The following PABIR3 variants were observed in gnomAD, a reference collection of about 807,000 sequenced individuals.
The protein encoded by PABIR3 is PABIR family member 1.
Under a neutral mutation model 23.1 loss-of-function variants are expected in PABIR3, and 20 were observed. The ratio of observed to expected loss-of-function variants is 0.86; its 90% CI spans 0.61 to 1.26. PABIR3 has a LOEUF of 1.26. Among genes scored for constraint, PABIR3 ranks in the 50% most tolerant of loss-of-function variants. The pLI is 0.00. For missense variants in PABIR3, 189 were observed against 195.4 expected (o/e 0.97, Z 0.20); for synonymous variants, 69 against 68.5 (o/e 1.01, Z -0.04).
Position 134,853,054 on chromosome X carries a change from T to G in PABIR3, c.686+158T>G, listed in dbSNP as rs780677473. Among the ~76,000 whole-genome samples the G allele has an allele frequency of 4.5e-5, 5 of 111,717 alleles. No homozygotes were observed. In the South Asian group the frequency reaches 1.9e-3, roughly 42 times the overall value. On this transcript the variant is annotated intron_variant, in intron 10 of 10. Transcript: ENST00000645433. ...CCAAGTGGATACTATAAACCTGAGT[T>G]ATTTTATTTTCTTTTTTTTCTTTTT... is the stretch of plus-strand genomic sequence containing the variant.
At chrX:134,828,489 A>G (rs2081621025) in intron 3 of PABIR3, among the ~76,000 whole-genome samples, 1 of 112,104 alleles carries the variant, frequency 8.9e-6, no homozygotes, top group South Asian at 3.6e-4. Context: ...AGAAATAACC[A>G]CGGTACAGAA....
intron 1 of PABIR3, among the ~76,000 whole-genome samples, chrX:134,798,750 G>C (rs1444657576): frequency 8.9e-6 from 1 of 112,088 alleles, no homozygotes; most frequent in Non-Finnish European, 1.9e-5. Context: ...TCACAGAGTG[G>C]GAGTATGTCA....
chrX:134,860,802 G>A, the PABIR3 span, among the ~76,000 whole-genome samples: 21 of 111,909 alleles, frequency 1.9e-4, no homozygotes, highest in East Asian at 5.0e-3. Flanking sequence ...CATGAAGCAC[G>A]AAACATTATC....
At chrX:134,834,651 T>G (rs1250115900) in intron 4 of PABIR3, among the ~76,000 whole-genome samples, 2 of 112,494 alleles carry the variant, frequency 1.8e-5, no homozygotes, top group Non-Finnish European at 3.7e-5. Context: ...GGGTTTTACA[T>G]TTAAATCTTT....
At position 134,829,421 on chromosome X, in the gene PABIR3, C is replaced by CAA. The variant is rs779973197; in HGVS notation, c.246+148_246+149dup. On this transcript the variant is annotated intron_variant, in intron 4 of 10. Coordinates refer to ENST00000645433, the MANE Select transcript of PABIR3 (RefSeq NM_001388447.1). ...TTTTTATTTCTAGGAATGATTTCTT[C>CAA]AAAAAAAAAACAAAACTAAGAAGCA... is the stretch of plus-strand genomic sequence containing the variant. 2,014 of 394,719 alleles carry CAA rather than the reference C, an allele frequency of 5.1e-3. 21 individuals are homozygous for CAA. Among genetic ancestry groups the CAA allele is most frequent in the African/African-American group, 0.046 (1,640 of 35,636 alleles). The allele number at this position is 394,719 out of a possible 1,213,427, so 32.5% of individuals were successfully genotyped here.
chrX:134,864,281 T>C, the PABIR3 span, among the ~76,000 whole-genome samples: 3 of 111,176 alleles, frequency 2.7e-5, no homozygotes, highest in Non-Finnish European at 5.7e-5. Context: ...TGCCTTACCC[T>C]CCCAAAGTGC....
rs1333307823 is a variant in PABIR3, at chrX:134,823,852, T to C, written c.190-5374T>C. On this transcript the variant is annotated intron_variant, in intron 3 of 10. Transcript: ENST00000645433. ...ACGTAAATATTTTTTAAATTAGCAA[T>C]ATTTGGGGTTCAAAGTAAAAAAGAA... 2.7e-5 allele frequency among the ~76,000 whole-genome samples: 3 copies of C among 110,461 alleles called. No individual in the cohort carries two copies. In the Admixed American group the frequency reaches 3.0e-4, roughly 11 times the overall value.
At chrX:134,847,275 G>T (rs1186275145) in intron 6 of PABIR3, 108 bp from the exon 7 acceptor site, 47 of 522,362 alleles carry the variant, frequency 9.0e-5, no homozygotes, top group Non-Finnish European at 1.1e-4. Context: ...CCATGGTGCA[G>T]CCAGTGACTC....
chrX:134,826,896 T>A (rs2081528030), intron 3 of PABIR3, among the ~76,000 whole-genome samples: 1 of 112,334 alleles, frequency 8.9e-6, no homozygotes, highest in African/African-American at 3.2e-5. Flanking sequence ...CCAACAAAAA[T>A]TCAGACTATC....
rs773344736 is a variant in PABIR3 at position 134,820,516 on chromosome X, G to T, written c.189+5667G>T. Among the ~76,000 whole-genome samples, 12 of 110,824 alleles carry T rather than the reference G, an allele frequency of 1.1e-4. No homozygotes were observed. The East Asian group carries it at 2.3e-3, about 21-fold the overall frequency. ...TGGGAGGAGGAGGGAATGGGGAGTT[G>T]TTGTTTAAAGGGTACAGTTTTGCAA... On this transcript the variant is annotated intron_variant, in intron 3 of 10. Coordinates refer to ENST00000645433, the MANE Select transcript of PABIR3 (RefSeq NM_001388447.1).
intron 3 of PABIR3, among the ~76,000 whole-genome samples, chrX:134,820,308 T>C (rs1450431340): frequency 8.9e-6 from 1 of 112,272 alleles, no homozygotes; most frequent in Non-Finnish European, 1.9e-5. Context: ...TCATTTCTAG[T>C]AGATATTATA....
intron 4 of PABIR3, among the ~76,000 whole-genome samples, chrX:134,830,584 C>T (rs1469356871): frequency 9.1e-6 from 1 of 109,878 alleles, no homozygotes; most frequent in Non-Finnish European, 1.9e-5. Context: ...CTGCCTACCT[C>T]GGCCTCCCAA....
chrX:134,827,207 C>T (rs1378277398), intron 3 of PABIR3, among the ~76,000 whole-genome samples: 2 of 111,060 alleles, frequency 1.8e-5, no homozygotes, highest in Admixed American at 9.6e-5. Flanking sequence ...GTGATCCACC[C>T]GCCTCCGCCT....
At chrX:134,822,721 A>T (rs759968389) in intron 3 of PABIR3, 213 of 614,610 alleles carry the variant, frequency 3.5e-4, no homozygotes, top group Middle Eastern at 2.9e-3. Flanking sequence ...GAGCTAAATG[A>T]TAAGAACTTA....
downstream of PABIR3, among the ~76,000 whole-genome samples, chrX:134,858,366 A>AAGGTGG: frequency 8.9e-6 from 1 of 111,807 alleles, no homozygotes; most frequent in East Asian, 2.8e-4. Context: ...CAAATGAGCT[A>AAGGTGG]TTAAAAGCAC....
intron 4 of PABIR3, among the ~76,000 whole-genome samples, chrX:134,836,793 TCA>T (rs746540239): frequency 5.4e-5 from 6 of 112,082 alleles, no homozygotes; most frequent in Admixed American, 2.9e-4. Flanking sequence ...AACAGTCTGC[TCA>T]CAGTTTTTTG....
intron 2 of PABIR3, 51 bp from the exon 3 acceptor site, chrX:134,814,720 A>T: frequency 1.8e-5 from 17 of 942,907 alleles, no homozygotes; most frequent in South Asian, 2.4e-5. Flanking sequence ...AAAAAAAAAA[A>T]GAATTTTGTA....
intron 2 of PABIR3, chrX:134,810,306 T>G: frequency 1.3e-6 from 1 of 754,623 alleles, no homozygotes; most frequent in Non-Finnish European, 1.6e-6. Flanking sequence ...TGTTTGTTTG[T>G]TTTTTGCTTA....
chrX:134,852,858 T>C lies in PABIR3; in HGVS notation c.648T>C (p.Leu216=). 2 of 1,142,527 alleles carry C rather than the reference T, an allele frequency of 1.8e-6. No individual in the cohort carries two copies. Among genetic ancestry groups the C allele is most frequent in the Non-Finnish European group, 1.2e-6 (1 of 866,663 alleles). 94.2% of individuals were successfully genotyped at this position (1,142,527 alleles called of 1,213,427 possible). ...KKIFQGTTNM[L]SSDTSQLSEN... ...TTTTCCAAGGCACAACCAACATGCT[T>C]TCTTCTGATACTTCCCAACTGTCAG... is the stretch of plus-strand genomic sequence containing the variant. Residue 216 remains leucine (L), a synonymous_variant, in exon 10 of 11, where the codon CTT becomes CTC. Transcript: ENST00000645433.
Sources: gnomAD v4.1 joint callset for allele counts (sites outside exome capture counted in the v4.1 genomes callset) on GRCh38, gnomAD v4.1.1 for gene constraint, MANE v1.5 for transcripts, NCBI Gene and HGNC (gene_info 2026-07-23, HGNC 2026-07-21) for gene names.